TOP3B: variants seen among roughly 807,000 people sequenced by gnomAD.
TOP3B encodes DNA topoisomerase 3-beta-1.
TOP3B carries 45 observed loss-of-function variants against 93.9 expected under a neutral mutation model. The ratio of observed to expected loss-of-function variants is 0.48; its 90% CI spans 0.38 to 0.61. TOP3B has a LOEUF of 0.61. Ranked by LOEUF, TOP3B falls within the 20% of genes least tolerant of loss-of-function variation. The pLI is 0.00. For synonymous variants in TOP3B, 357 were observed against 472.6 expected, an observed-to-expected ratio of 0.76 and a Z score of 3.17; for missense variants, 750 against 1,156.1, an observed-to-expected ratio of 0.65 and a Z score of 5.09.
chr22:21,973,622 T>C (rs2071739760), intron 3 of TOP3B: 1 of 151,992 alleles, frequency 6.6e-6, no homozygotes, highest in South Asian at 2.1e-4. Flanking sequence ...GAGATAAAAC[T>C]TGGGGTCCAA....
At chr22:21,979,937 T>A (rs1257742445) in intron 1 of TOP3B, among the ~76,000 whole-genome samples, 1 of 84,646 alleles carries the variant, frequency 1.2e-5, no homozygotes, top group African/African-American at 5.0e-5. Context: ...TGAGACTCCA[T>A]CTCCAAAAAA....
Position 21,971,768 on chromosome 22 carries a change from G to A in TOP3B, c.384+109C>T, listed in dbSNP as rs891133937. On this transcript the variant is annotated intron_variant, in intron 5 of 17. Coordinates refer to ENST00000357179, the MANE Select transcript of TOP3B (RefSeq NM_001282112.2). This position sits in a 1 kb window ranked among gnomAD's most constrained non-coding sequence, Gnocchi z 4.6. ...GGAGAGGTGTTTTTAAACCGGTACA[G>A]TTTACTCCCTCCTTTGGCCCCAGGA... is the stretch of plus-strand genomic sequence containing the variant. 5.3e-6 allele frequency: 5 copies of A among 950,746 alleles called. No homozygotes were observed. The highest frequency in any genetic ancestry group is 1.3e-5 in the South Asian group (1 of 74,482). 58.9% of individuals were successfully genotyped at this position (950,746 alleles called of 1,614,324 possible). A position where few individuals can be genotyped will look rare whatever the true frequency, so the allele number is the denominator to read the frequency against.
At chr22:21,958,431 G>C in intron 17 of TOP3B, 61 bp downstream of exon 17, 2 of 1,610,346 alleles carry the variant, frequency 1.2e-6, no homozygotes, top group African/African-American at 1.3e-5. Flanking sequence ...GTGCAAGGCA[G>C]GGGTTGGCAC....
At chr22:21,960,197 A>AGT (rs1275942254) in intron 14 of TOP3B, 124 bp downstream of exon 14, 8 of 1,415,034 alleles carry the variant, frequency 5.7e-6, no homozygotes, top group Non-Finnish European at 3.9e-6. Flanking sequence ...GTGTTGAGGG[A>AGT]GTGTGTGTGG....
rs768840199 is a variant in TOP3B at position 21,970,423 on chromosome 22, G to A, written c.385-17C>T. 6.2e-7 allele frequency: 1 copy of A among 1,611,224 alleles called. No individual in the cohort carries two copies. The highest frequency in any genetic ancestry group is 1.1e-5 in the South Asian group (1 of 90,826). On this transcript the variant is annotated splice_polypyrimidine_tract_variant and intron_variant, in intron 5 of 17. Coordinates refer to ENST00000357179, the MANE Select transcript of TOP3B (RefSeq NM_001282112.2). This position sits in a 1 kb window ranked among gnomAD's most constrained non-coding sequence, Gnocchi z 4.4. ...ATCAAGAACCTGGGGGTGGGGAGTGGCCAGCTGTGACCCACCTCCCAGATC... is the reference window on the plus strand; with the variant it reads ...ATCAAGAACCTGGGGGTGGGGAGTGACCAGCTGTGACCCACCTCCCAGATC...
At chr22:21,959,313 G>C in intron 15 of TOP3B, 81 bp from the exon 16 acceptor site, 1 of 1,584,414 alleles carries the variant, frequency 6.3e-7, no homozygotes, top group Non-Finnish European at 8.6e-7. Context: ...AAGGGTCTGA[G>C]TGTGAAAGGG....
chr22:21,962,817 C>A lies in TOP3B; in HGVS notation c.1281G>T (p.Leu427=), dbSNP rs34867208. 448 of 1,614,126 alleles carry A rather than the reference C, an allele frequency of 2.8e-4. 1 individual carries two copies. In the African/African-American group the frequency reaches 4.9e-3, roughly 18 times the overall value. Residue 427 remains leucine, a synonymous_variant, in exon 12 of 18, where the codon CTG becomes CTT. Transcript: ENST00000357179. ...CAATTCTGAAGGAGATGGTGCTCTG[C>A]AGGTACTTGCAGTCATGGCTGACCG... is the stretch of plus-strand genomic sequence containing the variant. The part of the protein sequence containing the change: ...IATVSHDCKY[L]QSTISFRIGP...
intron 1 of TOP3B, 26 bp from the exon 2 acceptor site, chr22:21,975,833 A>G (rs932797907): frequency 2.1e-5 from 28 of 1,317,424 alleles, no homozygotes; most frequent in Non-Finnish European, 2.5e-5. Flanking sequence ...GACACTCAGG[A>G]TAGCAATGCT....
In TOP3B at chr22:21,963,244, G is replaced by A. The variant is rs947753228; in HGVS notation, c.1205-351C>T. The A allele has an allele frequency of 4.3e-5, 10 of 230,190 alleles. No individual in the cohort carries two copies. Among genetic ancestry groups the A allele is most frequent in the African/African-American group, 2.3e-4 (10 of 43,766 alleles). The allele number at this position is 230,190 out of a possible 1,614,324, so 14.3% of individuals were successfully genotyped here. On this transcript the variant is annotated intron_variant, in intron 11 of 17. Transcript: ENST00000357179. The surrounding 1 kb of genome is among the most constrained non-coding windows in gnomAD (Gnocchi z 4.8). ...CCAGCTACTCGGGGGGCTGAGGCAG[G>A]GTGAACTGCTTGAACCTGGGAGGCA...
intron 6 of TOP3B, 187 bp from the exon 7 acceptor site, chr22:21,968,962 TGACAGAGCCAGTGAGAGAGGA>T (rs1342812472): frequency 1.2e-5 from 7 of 599,856 alleles, no homozygotes; most frequent in Admixed American, 5.9e-5. Flanking sequence ...TGTACATGGG[TGACAGAGCCAGTGAGAGAGGA>T]GACAGAGGTT....
In TOP3B at chr22:21,971,115, G is replaced by A. The variant is rs2071619980; in HGVS notation, c.385-709C>T. 3.2e-6 allele frequency: 4 copies of A among 1,242,776 alleles called. No individual in the cohort carries two copies. Among genetic ancestry groups the A allele is most frequent in the Non-Finnish European group, 1.1e-6 (1 of 938,020 alleles). The allele number at this position is 1,242,776 out of a possible 1,614,324, so 77.0% of individuals were successfully genotyped here. The stretch of plus-strand genomic sequence containing the variant: ...CCCATTCTCCATTCCCAGATGCAAA[G>A]GCCCCCAGGGAGGAGCCGCCCTGCA... On this transcript the variant is annotated intron_variant, in intron 5 of 17. Coordinates refer to ENST00000357179, the MANE Select transcript of TOP3B (RefSeq NM_001282112.2). This position sits in a 1 kb window ranked among gnomAD's most constrained non-coding sequence, Gnocchi z 4.6.
In TOP3B at chr22:21,962,886, G is replaced by T; in HGVS notation, c.1212C>A (p.Asp404Glu). 1 of 1,613,014 alleles carries T rather than the reference G, an allele frequency of 6.2e-7. No homozygotes were observed. The highest frequency in any genetic ancestry group is 1.1e-5 in the South Asian group (1 of 91,074). ...TGATGTACTCATAGAGCCGCCACGC[G>T]TCACCCCCTGCAACAGGCCAGGGCT... is the stretch of plus-strand genomic sequence containing the variant. ...KSATEAELGG[D>E]AWRLYEYITR... Residue 404 changes from aspartate to glutamate, a missense_variant, in exon 12 of 18, where the codon GAC becomes GAA. Physicochemically the swap from Asp to Glu is conservative, Grantham distance 45. Transcript: ENST00000357179.
Position 21,968,485 on chromosome 22 carries a change from AGAC to A in TOP3B, c.738+131_738+133del, listed in dbSNP as rs912746908. On this transcript the variant is annotated intron_variant, in intron 7 of 17. Transcript: ENST00000357179. ...GGGGTCCCTCAGCCCTAGGCACCAC[AGAC>A]CACTTCCAGGTACAGCCGTCCACAC... 8 of 1,173,674 alleles carry A rather than the reference AGAC, an allele frequency of 6.8e-6. No individual in the cohort carries two copies. The African/African-American group carries it at 1.2e-4, about 18-fold the overall frequency. 72.7% of individuals were successfully genotyped at this position (1,173,674 alleles called of 1,614,324 possible). A position where few individuals can be genotyped will look rare whatever the true frequency, so the allele number is the denominator to read the frequency against.
rs1420679040 is a variant in TOP3B at position 21,977,085 on chromosome 22, AG to A, written c.-98-1279del. On this transcript the variant is annotated intron_variant, in intron 1 of 17. Transcript: ENST00000357179. ...CAGCCACTCAGGAGGCTGAGGCAAG[AG>A]GATCGCTTGCTTGAGGCCAGGAATT... 3 of 152,244 alleles carry A rather than the reference AG, an allele frequency of 2.0e-5. No homozygotes were observed. In the South Asian group the frequency reaches 6.2e-4, roughly 32 times the overall value. The allele number at this position is 152,244 out of a possible 1,614,324, so 9.4% of individuals were successfully genotyped here. A position where few individuals can be genotyped will look rare whatever the true frequency, so the allele number is the denominator to read the frequency against.
chr22:21,968,463 G>T (rs2071500815), intron 7 of TOP3B, 156 bp downstream of exon 7: 2 of 833,944 alleles, frequency 2.4e-6, no homozygotes, highest in African/African-American at 1.7e-5. Context: ...GAAGGCTGGG[G>T]TCCCTCAGCC....
At position 21,962,740 on chromosome 22, in the gene TOP3B, G is replaced by A. The variant is rs763493373; in HGVS notation, c.1351+7C>T. On this transcript the variant is annotated splice_region_variant and intron_variant, in intron 12 of 17. Coordinates refer to ENST00000357179, the MANE Select transcript of TOP3B (RefSeq NM_001282112.2). ...ACAGAGGAGGAAGGCTGGGCCCGTG[G>A]TGTGACCTGGTGAGAGGACGGTCTT... 2 of 1,614,158 alleles carry A rather than the reference G, an allele frequency of 1.2e-6. No individual in the cohort carries two copies. The highest frequency in any genetic ancestry group is 1.7e-6 in the Non-Finnish European group (2 of 1,180,020).
Position 21,957,340 on chromosome 22 carries a change from G to T in TOP3B, c.2363C>A (p.Ser788Tyr), listed in dbSNP as rs2070956280. Residue 788 changes from serine to tyrosine, a missense_variant, in exon 18 of 18, where the codon TCC becomes TAC. Physicochemically the swap from Ser to Tyr is moderately radical, Grantham distance 144. Transcript: ENST00000357179. ...LLDVDFNKAK[S>Y]PLPGDETQHM... Reference sequence around the variant, plus strand: ...CTGCGTCTCATCGCCCGGGAGTGGGGACTTGGCCTTGTTGAAGTCCACATC... The same window carrying T: ...CTGCGTCTCATCGCCCGGGAGTGGGTACTTGGCCTTGTTGAAGTCCACATC... 2 of 1,611,336 alleles carry T rather than the reference G, an allele frequency of 1.2e-6. No homozygotes were observed. Among genetic ancestry groups the T allele is most frequent in the East Asian group, 2.2e-5 (1 of 44,824 alleles).
chr22:21,971,628 C>A lies in TOP3B; in HGVS notation c.384+249G>T. On this transcript the variant is annotated intron_variant, in intron 5 of 17. Transcript: ENST00000357179. This position sits in a 1 kb window ranked among gnomAD's most constrained non-coding sequence, Gnocchi z 4.6. The stretch of plus-strand genomic sequence containing the variant: ...ACCTGCATCCACCCAGACAATTTGG[C>A]CCCTCCTATGTTCACTCATACCGTT... 2 of 532,100 alleles carry A rather than the reference C, an allele frequency of 3.8e-6. No homozygotes were observed. The highest frequency in any genetic ancestry group is 7.0e-5 in the East Asian group (2 of 28,690). The allele number at this position is 532,100 out of a possible 1,614,324, so 33.0% of individuals were successfully genotyped here.
intron 8 of TOP3B, 71 bp downstream of exon 8, chr22:21,967,532 T>C: frequency 3.4e-6 from 4 of 1,184,538 alleles, no homozygotes; most frequent in Non-Finnish European, 5.0e-6. Flanking sequence ...AGGCTGTTCC[T>C]CCAGCGGGAG....
Sources: allele counts gnomAD v4.1 joint callset (sites outside exome capture counted in the v4.1 genomes callset), GRCh38; gene constraint gnomAD v4.1.1; non-coding constraint Gnocchi (gnomAD v3.1); transcripts MANE v1.5; gene names NCBI Gene and HGNC (gene_info 2026-07-23, HGNC 2026-07-21).